PABPC4L: variants seen among roughly 807,000 people sequenced by gnomAD.
The protein encoded by PABPC4L is poly(A) binding protein cytoplasmic 4 like, also known as polyadenylate-binding protein 4-like.
For synonymous variants in PABPC4L, 169 were observed against 164.1 expected, an observed-to-expected ratio of 1.03 and a Z score of -0.23; for missense variants, 452 against 451.4, an observed-to-expected ratio of 1.00 and a Z score of -0.01.
chr4:134,117,670 G>A, the PABPC4L span, among the ~76,000 whole-genome samples: 1 of 151,656 alleles, frequency 6.6e-6, no homozygotes, highest in Non-Finnish European at 1.5e-5. Context: ...TAGATGCTAA[G>A]GTCACAAGCA....
chr4:133,984,331 A>G, the PABPC4L span, among the ~76,000 whole-genome samples: 27,065 of 151,688 alleles, frequency 0.18, 3,051 homozygotes, highest in Middle Eastern at 0.25. Flanking sequence ...TGAGATGCAT[A>G]ATTTTTTAAA....
At chr4:134,100,801 C>T in the PABPC4L span, among the ~76,000 whole-genome samples, 1 of 151,322 alleles carries the variant, frequency 6.6e-6, no homozygotes, top group Non-Finnish European at 1.5e-5. Flanking sequence ...GAAAGATATC[C>T]CTTTGCAATT....
the PABPC4L span, among the ~76,000 whole-genome samples, chr4:133,994,073 T>C: frequency 2.0e-5 from 3 of 152,160 alleles, no homozygotes; most frequent in Non-Finnish European, 4.4e-5. Context: ...AGAGCCAATC[T>C]TGAGGAATCA....
At chr4:134,148,751 G>C in the PABPC4L span, among the ~76,000 whole-genome samples, 1 of 152,036 alleles carries the variant, frequency 6.6e-6, no homozygotes, top group Non-Finnish European at 1.5e-5. Flanking sequence ...ATTATGGTCT[G>C]TTATCCCTGC....
downstream of PABPC4L, among the ~76,000 whole-genome samples, chr4:134,193,020 C>A (rs569064681): frequency 6.6e-6 from 1 of 152,118 alleles, no homozygotes; most frequent in South Asian, 2.1e-4. Context: ...ACCTCTTTAA[C>A]ATAAGTTCTA....
chr4:134,068,214 G>A, the PABPC4L span, among the ~76,000 whole-genome samples: 1 of 151,994 alleles, frequency 6.6e-6, no homozygotes, highest in Non-Finnish European at 1.5e-5. Flanking sequence ...CTATATGCTG[G>A]GTGCATATAT....
At chr4:134,021,354 A>G in the PABPC4L span, among the ~76,000 whole-genome samples, 6 of 152,086 alleles carry the variant, frequency 3.9e-5, no homozygotes, top group Admixed American at 2.0e-4. Flanking sequence ...CCTGGGGTGG[A>G]TAGAAGGAAA....
the PABPC4L span, among the ~76,000 whole-genome samples, chr4:134,148,306 A>G: frequency 6.6e-6 from 1 of 152,142 alleles, no homozygotes; most frequent in African/African-American, 2.4e-5. Flanking sequence ...TTCATGGTAT[A>G]TCCCTTAATG....
At chr4:134,146,127 G>A in the PABPC4L span, among the ~76,000 whole-genome samples, 36 of 151,938 alleles carry the variant, frequency 2.4e-4, no homozygotes, top group Non-Finnish European at 5.3e-4. Context: ...ATTTACTCAT[G>A]TTGAACAAAA....
At chr4:134,081,000 C>A in the PABPC4L span, among the ~76,000 whole-genome samples, 2 of 152,052 alleles carry the variant, frequency 1.3e-5, no homozygotes, top group South Asian at 2.1e-4. Flanking sequence ...GACTCCAAAG[C>A]AATTTTTTTA....
At chr4:134,057,570 T>C in the PABPC4L span, among the ~76,000 whole-genome samples, 2 of 152,070 alleles carry the variant, frequency 1.3e-5, no homozygotes, top group African/African-American at 4.8e-5. Context: ...TTACTGCTCA[T>C]TGAAGATGAA....
the PABPC4L span, among the ~76,000 whole-genome samples, chr4:134,078,856 C>T: frequency 1.3e-5 from 2 of 149,032 alleles, no homozygotes; most frequent in Admixed American, 6.7e-5. Flanking sequence ...TTAGTCGAGA[C>T]GGGGTTTCTC....
chr4:134,173,146 T>C, the PABPC4L span, among the ~76,000 whole-genome samples: 2 of 120,480 alleles, frequency 1.7e-5, no homozygotes, highest in Non-Finnish European at 3.2e-5. Flanking sequence ...TGGAGAACAC[T>C]GTGGAGATTC....
chr4:133,990,000 A>G, the PABPC4L span, among the ~76,000 whole-genome samples: 1 of 152,008 alleles, frequency 6.6e-6, no homozygotes, highest in Non-Finnish European at 1.5e-5. Context: ...ACTCACTATT[A>G]TGAGAATATC....
At chr4:133,996,723 T>C in the PABPC4L span, among the ~76,000 whole-genome samples, 1 of 152,162 alleles carries the variant, frequency 6.6e-6, no homozygotes, top group Non-Finnish European at 1.5e-5. Context: ...GTATTTTGCC[T>C]GACAGCCCAG....
the PABPC4L span, among the ~76,000 whole-genome samples, chr4:134,171,290 A>G: frequency 6.6e-6 from 1 of 151,986 alleles, no homozygotes; most frequent in Non-Finnish European, 1.5e-5. Context: ...AAATTTTTGT[A>G]TTTTTAGTAG....
downstream of PABPC4L, among the ~76,000 whole-genome samples, chr4:134,194,352 A>G (rs1034160672): frequency 1.2e-4 from 18 of 151,674 alleles, no homozygotes; most frequent in African/African-American, 4.3e-4. Flanking sequence ...CGGGGTGGGA[A>G]GTTTCATTCT....
chr4:134,107,984 A>G, the PABPC4L span, among the ~76,000 whole-genome samples: 570 of 151,714 alleles, frequency 3.8e-3, 2 homozygotes, highest in African/African-American at 0.013. Flanking sequence ...GATTATATTA[A>G]AGCTTAAGAG....
At chr4:133,982,518 G>C in the PABPC4L span, among the ~76,000 whole-genome samples, 1 of 151,996 alleles carries the variant, frequency 6.6e-6, no homozygotes, top group African/African-American at 2.4e-5. Context: ...TGCAGTGGTT[G>C]AATATGCATA....
Sources: allele counts gnomAD v4.1 joint callset (sites outside exome capture counted in the v4.1 genomes callset), GRCh38; gene constraint gnomAD v4.1.1; transcripts MANE v1.5; gene names NCBI Gene and HGNC (gene_info 2026-07-23, HGNC 2026-07-21).